LRRC75A: variants seen among roughly 807,000 people sequenced by gnomAD.
The protein encoded by LRRC75A is leucine-rich repeat-containing protein 75A.
A neutral mutation model predicts 26.0 loss-of-function variants in LRRC75A; 12 were observed. That is an observed-to-expected ratio of 0.46 (90% CI 0.30 to 0.75). LRRC75A has a LOEUF of 0.75. LRRC75A is among the 30% of genes least tolerant of loss of function. The pLI, the probability that LRRC75A is intolerant of heterozygous loss-of-function variation, is 0.08. For synonymous variants in LRRC75A, 223 were observed against 219.3 expected, an observed-to-expected ratio of 1.02 and a Z score of -0.15; for missense variants, 410 against 486.6, an observed-to-expected ratio of 0.84 and a Z score of 1.48.
At chr17:16,469,479 T>TGG (rs1463008791) in intron 1 of LRRC75A, among the ~76,000 whole-genome samples, 3 of 152,180 alleles carry the variant, frequency 2.0e-5, no homozygotes, top group Non-Finnish European at 4.4e-5. Context: ...TTGTGCACTC[T>TGG]CAAAGAGGCC....
chr17:16,447,919 C>T lies in LRRC75A; in HGVS notation c.417G>A (p.Gln139=). The T allele has an allele frequency of 6.4e-7, 1 of 1,550,978 alleles. No individual in the cohort carries two copies. The highest frequency in any genetic ancestry group is 8.7e-7 in the Non-Finnish European group (1 of 1,146,942). ...ALGAMEKLCR[Q]LTYHLSPHSQ... ...AGTGGGGGCTGAGGTGGTATGTCAG[C>T]TGCCGGCACAGCTTCTCCATGGCGC... The change falls in exon 3 of 4, where the codon CAG becomes CAA. Residue 139 remains glutamine (Q), a synonymous_variant. Transcript: ENST00000470794.
chr17:16,446,296 G>A (rs548083412), intron 3 of LRRC75A, among the ~76,000 whole-genome samples: 1 of 152,316 alleles, frequency 6.6e-6, no homozygotes, highest in South Asian at 2.1e-4. Flanking sequence ...GAACAGGATG[G>A]ACAAAATCCC....
chr17:16,451,013 A>G (rs2093626781), intron 2 of LRRC75A, among the ~76,000 whole-genome samples: 1 of 152,092 alleles, frequency 6.6e-6, no homozygotes, highest in Admixed American at 6.6e-5. Flanking sequence ...AGGAGCTCAC[A>G]ATACCTCCAG....
Position 16,443,729 on chromosome 17 carries a change from G to T in LRRC75A, c.894C>A (p.Ile298=), listed in dbSNP as rs190402525. The change falls in exon 4 of 4, where the codon ATC becomes ATA. Residue 298 remains isoleucine, a synonymous_variant. Coordinates refer to ENST00000470794, the MANE Select transcript of LRRC75A (RefSeq NM_001113567.3). ...RSPKQGHLPT[I]LELGEGPGSG... is the part of the protein sequence containing the mutation. ...TGCCTGGGCCCTCACCCAGCTCCAG[G>T]ATGGTGGGTAGGTGGCCCTGCTTTG... The T allele has an allele frequency of 3.3e-5, 53 of 1,613,810 alleles. No individual in the cohort carries two copies. The African/African-American group carries it at 6.5e-4, about 20-fold the overall frequency.
At chr17:16,488,393 A>G (rs2093851155) in intron 1 of LRRC75A, among the ~76,000 whole-genome samples, 1 of 152,242 alleles carries the variant, frequency 6.6e-6, no homozygotes, top group African/African-American at 2.4e-5. Flanking sequence ...TTCTTGGGCC[A>G]TGCCTGAGAA....
intron 3 of LRRC75A, among the ~76,000 whole-genome samples, chr17:16,444,500 C>T (rs1265841208): frequency 2.0e-5 from 3 of 152,202 alleles, no homozygotes; most frequent in East Asian, 3.8e-4. Flanking sequence ...ATCACCTGGA[C>T]TCAGCTTCCC....
At chr17:16,489,549 T>G (rs894905888) in intron 1 of LRRC75A, among the ~76,000 whole-genome samples, 3 of 152,150 alleles carry the variant, frequency 2.0e-5, no homozygotes, top group African/African-American at 7.2e-5. Context: ...AAAATGCAAT[T>G]TTGGAGAAAG....
At position 16,442,529 on chromosome 17, in the gene LRRC75A, A is replaced by T. The variant is rs1336039524; in HGVS notation, c.*1059T>A. 6.6e-6 allele frequency: 1 copy of T among 152,232 alleles called. No homozygotes were observed. The highest frequency in any genetic ancestry group is 1.5e-5 in the Non-Finnish European group (1 of 68,066). The allele number at this position is 152,232 out of a possible 1,614,324, so 9.4% of individuals were successfully genotyped here. ...TATTTGGGTAAGGGGAGGGTATAAG[A>T]TGAGAACCTTTGCTAAGTTAGGTTC... On this transcript the variant is annotated 3_prime_UTR_variant, in exon 4 of 4. Coordinates refer to ENST00000470794, the MANE Select transcript of LRRC75A (RefSeq NM_001113567.3).
rs1388248974 is a variant in LRRC75A, at chr17:16,442,320, C to G, written c.*1268G>C. 1.3e-5 allele frequency: 2 copies of G among 152,332 alleles called. No individual in the cohort carries two copies. The highest frequency in any genetic ancestry group is 2.9e-5 in the Non-Finnish European group (2 of 68,098). 9.4% of individuals were successfully genotyped at this position (152,332 alleles called of 1,614,324 possible). Reference sequence around the variant, plus strand: ...GCCCCATACTCTAGGCCCCATCTTGCTGTCTTCCTGTGTTGGAATCTTGCC... The same window carrying G: ...GCCCCATACTCTAGGCCCCATCTTGGTGTCTTCCTGTGTTGGAATCTTGCC... On this transcript the variant is annotated 3_prime_UTR_variant, in exon 4 of 4. Coordinates refer to ENST00000470794, the MANE Select transcript of LRRC75A (RefSeq NM_001113567.3).
intron 1 of LRRC75A, among the ~76,000 whole-genome samples, chr17:16,464,536 A>T (rs1204458247): frequency 6.6e-6 from 1 of 152,224 alleles, no homozygotes; most frequent in Non-Finnish European, 1.5e-5. Flanking sequence ...TCTGGCAGGG[A>T]ACAGAGAAAG....
intron 1 of LRRC75A, among the ~76,000 whole-genome samples, chr17:16,481,718 C>A (rs1206062188): frequency 1.3e-5 from 2 of 152,116 alleles, no homozygotes; most frequent in African/African-American, 2.4e-5. Context: ...CGAGCCCTGT[C>A]TGTGCTTGTC....
chr17:16,481,085 C>T lies in LRRC75A; in HGVS notation c.246+10660G>A, dbSNP rs1442507828. On this transcript the variant is annotated intron_variant, in intron 1 of 3. Transcript: ENST00000470794. ...GTGGAACCCCTCCTGCTGCCATTTC[C>T]TCCAGTGAGGGAGAGGGGCAGAGGC... Among the ~76,000 whole-genome samples the T allele has an allele frequency of 2.6e-5, 4 of 152,244 alleles. No individual in the cohort carries two copies. In the South Asian group the frequency reaches 8.3e-4, roughly 31 times the overall value.
intron 2 of LRRC75A, chr17:16,461,141 C>G (rs1274460508): frequency 6.6e-6 from 1 of 152,450 alleles, no homozygotes; most frequent in Non-Finnish European, 1.5e-5. Context: ...AGAAGGCCCC[C>G]GACAAAGCCG....
chr17:16,462,282 T>C lies in LRRC75A; in HGVS notation c.351A>G (p.Ala117=), dbSNP rs1219526982. 1 of 1,614,032 alleles carries C rather than the reference T, an allele frequency of 6.2e-7. No homozygotes were observed. Among genetic ancestry groups the C allele is most frequent in the South Asian group, 1.1e-5 (1 of 91,070 alleles). The change falls in exon 2 of 4, where the codon GCA becomes GCG. Residue 117 remains alanine, a synonymous_variant. Coordinates refer to ENST00000470794, the MANE Select transcript of LRRC75A (RefSeq NM_001113567.3). This position sits in a 1 kb window ranked among gnomAD's most constrained non-coding sequence, Gnocchi z 4.6. ...PITHDLIISL[A]RYIHCPKPEG... is the part of the protein sequence containing the mutation. ...CCGGCTTGGGACAGTGGATGTAGCG[T>C]GCCAGGCTGATGATGAGGTCGTGTG...
At chr17:16,451,129 G>A (rs1330797982) in intron 2 of LRRC75A, among the ~76,000 whole-genome samples, 1 of 152,178 alleles carries the variant, frequency 6.6e-6, no homozygotes. Flanking sequence ...CTAAGCAGGA[G>A]GGAGAGAGAA....
chr17:16,451,632 ATAAT>A (rs781486395), intron 2 of LRRC75A, among the ~76,000 whole-genome samples: 2 of 145,586 alleles, frequency 1.4e-5, no homozygotes, highest in Admixed American at 1.4e-4. Context: ...AAAAAAAAAA[ATAAT>A]AATAATAATA....
chr17:16,479,458 T>C (rs193097986), intron 1 of LRRC75A, among the ~76,000 whole-genome samples: 9 of 152,342 alleles, frequency 5.9e-5, no homozygotes, highest in Non-Finnish European at 1.3e-4. Context: ...GCAGGGCATG[T>C]ACTGCACAAG....
At chr17:16,450,591 G>A (rs55641029) in intron 2 of LRRC75A, among the ~76,000 whole-genome samples, 15,778 of 152,240 alleles carry the variant, frequency 0.1, 933 homozygotes, top group Non-Finnish European at 0.13. Flanking sequence ...CTGCCTTTAC[G>A]GCTTCATTCC....
chr17:16,475,775 G>A (rs943833531), intron 1 of LRRC75A, among the ~76,000 whole-genome samples: 1 of 152,230 alleles, frequency 6.6e-6, no homozygotes, highest in East Asian at 1.9e-4. Flanking sequence ...GGCTGAGCAC[G>A]GTGATTCACG....
Sources: gnomAD v4.1 joint callset for allele counts (sites outside exome capture counted in the v4.1 genomes callset) on GRCh38, gnomAD v4.1.1 for gene constraint, Gnocchi (gnomAD v3.1) non-coding constraint, MANE v1.5 for transcripts, NCBI Gene and HGNC (gene_info 2026-07-23, HGNC 2026-07-21) for gene names.